KIF16B: variants seen among roughly 807,000 people sequenced by gnomAD.
KIF16B encodes the protein kinesin family member 16B, also known as kinesin-like protein KIF16B.
In KIF16B, 98 loss-of-function variants were observed where a neutral mutation model predicts 156.3. The ratio of observed to expected loss-of-function variants is 0.63; its 90% CI spans 0.53 to 0.74. The LOEUF is 0.74. KIF16B is among the 30% of genes least tolerant of loss of function. The pLI, the probability that KIF16B is intolerant of heterozygous loss-of-function variation, is 0.00. For missense variants in KIF16B, 1,421 were observed against 1,606.5 expected (o/e 0.88, Z 1.97); for synonymous variants, 564 against 583.7 (o/e 0.97, Z 0.49).
chr20:16,367,344 G>T (rs761936443), intron 22 of KIF16B: 9 of 1,612,886 alleles, frequency 5.6e-6, no homozygotes, highest in Non-Finnish European at 7.6e-6. Context: ...TCTGTAAGAA[G>T]ACTAGTTCTA....
chr20:16,542,242 A>T (rs2070233009), intron 1 of KIF16B, among the ~76,000 whole-genome samples: 1 of 152,210 alleles, frequency 6.6e-6, no homozygotes, highest in Non-Finnish European at 1.5e-5. Flanking sequence ...CCATTACTGA[A>T]GAGGTTTAGT....
intron 12 of KIF16B, among the ~76,000 whole-genome samples, chr20:16,457,535 T>A (rs901354317): frequency 3.3e-5 from 5 of 152,156 alleles, no homozygotes; most frequent in Admixed American, 3.3e-4. Context: ...CCTGAATACA[T>A]CCAGCTGTTT....
At chr20:16,406,289 CA>C in intron 16 of KIF16B, 84 bp downstream of exon 16, 1 of 1,176,612 alleles carries the variant, frequency 8.5e-7, no homozygotes, top group Non-Finnish European at 1.3e-6. Context: ...CCCAGAAAGT[CA>C]AAAGATTGGA....
At chr20:16,368,823 C>A in intron 22 of KIF16B, 1 of 985,872 alleles carries the variant, frequency 1.0e-6, no homozygotes, top group Non-Finnish European at 1.2e-6. Flanking sequence ...TATTTATAGA[C>A]ACTTCTTGGG....
At chr20:16,469,578 GTAAAT>G (rs1378013397) in intron 12 of KIF16B, among the ~76,000 whole-genome samples, 1 of 146,822 alleles carries the variant, frequency 6.8e-6, no homozygotes, top group African/African-American at 2.5e-5. Flanking sequence ...AAAAAAAAGA[GTAAAT>G]TAAATGCAAA....
chr20:16,340,831 T>G (rs1295102569), intron 23 of KIF16B, among the ~76,000 whole-genome samples: 1 of 152,134 alleles, frequency 6.6e-6, no homozygotes, highest in African/African-American at 2.4e-5. Flanking sequence ...GATATCAACT[T>G]CTCTAATGAA....
At chr20:16,500,904 T>C (rs1263105714) in intron 10 of KIF16B, among the ~76,000 whole-genome samples, 1 of 152,166 alleles carries the variant, frequency 6.6e-6, no homozygotes, top group Non-Finnish European at 1.5e-5. Context: ...CTTCCCACCT[T>C]TGGTTGTGTT....
intron 24 of KIF16B, among the ~76,000 whole-genome samples, chr20:16,333,593 T>C (rs1314598351): frequency 6.6e-6 from 1 of 152,214 alleles, no homozygotes; most frequent in Non-Finnish European, 1.5e-5. Context: ...AATACTCTCA[T>C]GTATGTGATA....
chr20:16,469,254 T>TAAAAAAAAA (rs57114751), intron 12 of KIF16B, among the ~76,000 whole-genome samples: 6 of 66,078 alleles, frequency 9.1e-5, no homozygotes, highest in African/African-American at 2.8e-4. Context: ...CCCTGTGTCT[T>TAAAAAAAAA]AAAAAAAAAA....
chr20:16,537,677 T>C (rs1000953833), intron 1 of KIF16B, among the ~76,000 whole-genome samples: 2 of 151,112 alleles, frequency 1.3e-5, no homozygotes, highest in Admixed American at 1.3e-4. Context: ...CCCACCCACA[T>C]GTTCTTTTTC....
intron 17 of KIF16B, among the ~76,000 whole-genome samples, chr20:16,395,074 C>A (rs952070373): frequency 1.7e-4 from 26 of 150,196 alleles, no homozygotes; most frequent in Non-Finnish European, 3.4e-4. Flanking sequence ...AAAGCTAAGG[C>A]TCAGTACAAC....
At chr20:16,562,751 T>C (rs1256526265) in intron 1 of KIF16B, among the ~76,000 whole-genome samples, 4 of 152,108 alleles carry the variant, frequency 2.6e-5, no homozygotes, top group African/African-American at 9.7e-5. Flanking sequence ...TATACATTCA[T>C]AAAATGGGGA....
chr20:16,353,303 G>A (rs1184528965), intron 23 of KIF16B, among the ~76,000 whole-genome samples: 1 of 152,104 alleles, frequency 6.6e-6, no homozygotes, highest in African/African-American at 2.4e-5. Flanking sequence ...AAATGACTGA[G>A]AGAAAAGGTC....
At chr20:16,480,175 A>G (rs1276847346) in intron 12 of KIF16B, among the ~76,000 whole-genome samples, 1 of 152,210 alleles carries the variant, frequency 6.6e-6, no homozygotes, top group Admixed American at 6.5e-5. Flanking sequence ...GCTGGGCTCC[A>G]AGGGCATATT....
chr20:16,372,217 GA>G (rs1463660514), intron 20 of KIF16B, among the ~76,000 whole-genome samples: 1 of 152,040 alleles, frequency 6.6e-6, no homozygotes, highest in African/African-American at 2.4e-5. Context: ...TACCAAAAAA[GA>G]AAAAAATAAT....
At position 16,379,899 on chromosome 20, in the gene KIF16B, GGTCTCTTCTTCTT is replaced by G. The variant is rs1458522167; in HGVS notation, c.2090_2102del (p.Gln697ProfsTer51). On this transcript the variant is annotated frameshift_variant, in exon 19 of 26. Coordinates refer to ENST00000354981, the MANE Select transcript of KIF16B (RefSeq NM_024704.5). LOFTEE classifies it high-confidence loss of function. ...GGAGTTCTTCTTGGACGCGGAGAAA[GGTCTCTTCTTCTT>G]GTCTCTTCTTCTGCAGCTCGATTTC... The G allele has an allele frequency of 6.2e-6, 10 of 1,614,072 alleles. No homozygotes were observed. Among genetic ancestry groups the G allele is most frequent in the African/African-American group, 1.3e-5 (1 of 74,920 alleles).
At chr20:16,295,907 C>T (rs1352069527) in intron 25 of KIF16B, among the ~76,000 whole-genome samples, 1 of 152,212 alleles carries the variant, frequency 6.6e-6, no homozygotes, top group African/African-American at 2.4e-5. Flanking sequence ...ATAACTCAGG[C>T]ATCACTGGAA....
chr20:16,522,576 C>T (rs1367709729), intron 3 of KIF16B, among the ~76,000 whole-genome samples: 3 of 152,162 alleles, frequency 2.0e-5, no homozygotes, highest in Non-Finnish European at 4.4e-5. Flanking sequence ...TAGTGGGAGA[C>T]TTTAACACCC....
intron 12 of KIF16B, among the ~76,000 whole-genome samples, chr20:16,467,462 T>A (rs1384608690): frequency 6.6e-6 from 1 of 152,146 alleles, no homozygotes; most frequent in Non-Finnish European, 1.5e-5. Context: ...CATAATTATG[T>A]CAGGAAGGTT....
Sources: gnomAD v4.1 joint callset for allele counts (sites outside exome capture counted in the v4.1 genomes callset) on GRCh38, gnomAD v4.1.1 for gene constraint, MANE v1.5 for transcripts, NCBI Gene and HGNC (gene_info 2026-07-23, HGNC 2026-07-21) for gene names.